Variants in ZNF627 observed in about 807,000 individuals in gnomAD.
ZNF627 encodes the protein zinc finger protein 627.
Under a neutral mutation model 10.6 loss-of-function variants are expected in ZNF627, and 12 were observed. The observed-to-expected ratio is 1.13, with a 90% CI of 0.73 to 1.84. The LOEUF is 1.84. ZNF627 is among the 40% of genes most tolerant of loss of function. The pLI is 0.00. For synonymous variants in ZNF627, 176 were observed against 187.1 expected (o/e 0.94, Z 0.48); for missense variants, 504 against 568.4 (o/e 0.89, Z 1.15).
chr19:11,606,318 T>C (rs893401817), intron 1 of ZNF627, among the ~76,000 whole-genome samples: 5 of 151,206 alleles, frequency 3.3e-5, no homozygotes, highest in African/African-American at 1.2e-4. Flanking sequence ...GTCTGGGTGA[T>C]AGAGCCAGAC....
chr19:11,609,688 T>G (rs1265940774), intron 1 of ZNF627, among the ~76,000 whole-genome samples: 1 of 151,420 alleles, frequency 6.6e-6, no homozygotes, highest in Admixed American at 6.6e-5. Flanking sequence ...CGGCTAATGT[T>G]TGTGTATTTT....
chr19:11,600,267 T>G (rs1159068627), intron 1 of ZNF627, among the ~76,000 whole-genome samples: 9 of 151,882 alleles, frequency 5.9e-5, no homozygotes, highest in African/African-American at 2.2e-4. Context: ...AGTGAAACCC[T>G]GTCTCTACTA....
In ZNF627 at chr19:11,597,539, G is replaced by C. The variant is rs1352128562; in HGVS notation, c.-89G>C. On this transcript the variant is annotated 5_prime_UTR_variant, in exon 1 of 4. Transcript: ENST00000361113. ...GTCTCCGTTTCTCCGAGAGGCCCAA[G>C]GTGTCTCCGCCGCAGCCTCTGTCGC... 2 of 1,267,276 alleles carry C rather than the reference G, an allele frequency of 1.6e-6. No homozygotes were observed. Among genetic ancestry groups the C allele is most frequent in the African/African-American group, 1.5e-5 (1 of 65,668 alleles). 78.5% of individuals were successfully genotyped at this position (1,267,276 alleles called of 1,614,324 possible).
intron 1 of ZNF627, among the ~76,000 whole-genome samples, chr19:11,604,672 A>G (rs1378902649): frequency 1.3e-5 from 2 of 152,206 alleles, no homozygotes; most frequent in African/African-American, 4.8e-5. Context: ...CAGGGTCTCA[A>G]GTTTACAGCC....
chr19:11,613,609 A>G (rs1973816280), intron 1 of ZNF627, among the ~76,000 whole-genome samples: 1 of 152,046 alleles, frequency 6.6e-6, no homozygotes, highest in African/African-American at 2.4e-5. Flanking sequence ...TCCTGCCTCC[A>G]TCTCCCAAAG....
At chr19:11,605,874 A>C (rs1185731774) in intron 1 of ZNF627, among the ~76,000 whole-genome samples, 1 of 152,204 alleles carries the variant, frequency 6.6e-6, no homozygotes, top group Non-Finnish European at 1.5e-5. Context: ...AGACAAGGCA[A>C]GTCCCTTCTG....
intron 3 of ZNF627, among the ~76,000 whole-genome samples, chr19:11,615,097 C>G (rs1973843816): frequency 6.6e-6 from 1 of 151,588 alleles, no homozygotes; most frequent in Admixed American, 6.6e-5. Flanking sequence ...CAGGCACGTG[C>G]CACCACGCCG....
rs1029341284 is a variant in ZNF627 at position 11,619,024 on chromosome 19, C to G, written c.*1135C>G. ...AGTAATTTCTCATCTACTCATAATA[C>G]CAAAAGTTAAGTCATGCTGTTTTGT... is the stretch of plus-strand genomic sequence containing the variant. On this transcript the variant is annotated 3_prime_UTR_variant, in exon 4 of 4. Coordinates refer to ENST00000361113, the MANE Select transcript of ZNF627 (RefSeq NM_145295.4). 1.3e-5 allele frequency: 2 copies of G among 151,994 alleles called. No homozygotes were observed. Among genetic ancestry groups the G allele is most frequent in the African/African-American group, 4.8e-5 (2 of 41,366 alleles). The allele number at this position is 151,994 out of a possible 1,614,324, so 9.4% of individuals were successfully genotyped here.
At chr19:11,603,953 G>T (rs930094002) in intron 1 of ZNF627, among the ~76,000 whole-genome samples, 4 of 151,476 alleles carry the variant, frequency 2.6e-5, no homozygotes, top group African/African-American at 9.7e-5. Context: ...GACCACAGGT[G>T]TGCACCACCA....
chr19:11,599,357 G>A (rs1973545960), intron 1 of ZNF627, among the ~76,000 whole-genome samples: 1 of 152,284 alleles, frequency 6.6e-6, no homozygotes, highest in East Asian at 1.9e-4. Context: ...GGACACATTG[G>A]TGTCCAGCCA....
intron 1 of ZNF627, among the ~76,000 whole-genome samples, chr19:11,609,274 A>G (rs1286400708): frequency 6.6e-6 from 1 of 151,888 alleles, no homozygotes; most frequent in East Asian, 1.9e-4. Context: ...CTTGTTGTGC[A>G]ACCAAACTCC....
intron 1 of ZNF627, among the ~76,000 whole-genome samples, chr19:11,608,271 A>G (rs905381145): frequency 3.3e-5 from 5 of 152,166 alleles, no homozygotes; most frequent in Non-Finnish European, 7.3e-5. Context: ...TATGGGAACT[A>G]CAATTTAAGA....
intron 1 of ZNF627, among the ~76,000 whole-genome samples, chr19:11,599,914 A>G (rs1973555977): frequency 6.6e-6 from 1 of 151,996 alleles, no homozygotes; most frequent in Non-Finnish European, 1.5e-5. Context: ...CTCAAAAAAA[A>G]AGATGTGAAA....
chr19:11,597,955 T>G (rs985816403), intron 1 of ZNF627, among the ~76,000 whole-genome samples: 1 of 152,158 alleles, frequency 6.6e-6, no homozygotes, highest in Non-Finnish European at 1.5e-5. Flanking sequence ...CCCGCCTTTC[T>G]CCCGTTAAAA....
intron 1 of ZNF627, 31 bp downstream of exon 1, chr19:11,597,661 C>G (rs771645793): frequency 1.5e-6 from 2 of 1,338,018 alleles, no homozygotes; most frequent in South Asian, 2.7e-5. Context: ...GTCCCCAGAC[C>G]TGGGGGAGGG....
chr19:11,608,961 T>G (rs748204144), intron 1 of ZNF627, among the ~76,000 whole-genome samples: 4 of 152,172 alleles, frequency 2.6e-5, no homozygotes, highest in Non-Finnish European at 4.4e-5. Context: ...AATCTCCGCC[T>G]TCTGAGTTCA....
At chr19:11,615,867 G>C (rs1227066271) in intron 3 of ZNF627, among the ~76,000 whole-genome samples, 1 of 131,908 alleles carries the variant, frequency 7.6e-6, no homozygotes, top group Non-Finnish European at 1.6e-5. Flanking sequence ...ACAGGCGCCT[G>C]CCACCACACC....
chr19:11,603,979 T>G (rs959221094), intron 1 of ZNF627, among the ~76,000 whole-genome samples: 1 of 151,844 alleles, frequency 6.6e-6, no homozygotes, highest in Non-Finnish European at 1.5e-5. Context: ...GGCTAATTTT[T>G]TTTTTTTTTG....
At chr19:11,612,941 C>A (rs369686354) in intron 1 of ZNF627, among the ~76,000 whole-genome samples, 1 of 151,610 alleles carries the variant, frequency 6.6e-6, no homozygotes, top group South Asian at 2.1e-4. Context: ...TTCAAGTAGG[C>A]CGCGGTGTCT....
Sources: gnomAD v4.1 joint callset for allele counts (sites outside exome capture counted in the v4.1 genomes callset) on GRCh38, gnomAD v4.1.1 for gene constraint, MANE v1.5 for transcripts, NCBI Gene and HGNC (gene_info 2026-07-23, HGNC 2026-07-21) for gene names.